The following EML6 variants were observed in gnomAD, a reference collection of about 807,000 sequenced individuals.
EML6 encodes the protein echinoderm microtubule-associated protein-like 6.
A neutral mutation model predicts 240.1 loss-of-function variants in EML6; 154 were observed. The ratio of observed to expected loss-of-function variants is 0.64; its 90% CI spans 0.56 to 0.73. EML6 has a LOEUF of 0.73. EML6 is among the 30% of genes least tolerant of loss of function. The pLI is 0.00. For synonymous variants in EML6, 1,148 were observed against 899.0 expected (o/e 1.28, Z -4.95); for missense variants, 2,964 against 2,474.6 (o/e 1.20, Z -4.20).
chr2:54,802,560 C>G (rs1017635117), intron 2 of EML6, among the ~76,000 whole-genome samples: 5 of 151,674 alleles, frequency 3.3e-5, no homozygotes, highest in African/African-American at 7.3e-5. Context: ...CTGGGAAGGT[C>G]GAGGCTGTCA....
chr2:54,843,798 G>A (rs1474245560), intron 7 of EML6, among the ~76,000 whole-genome samples: 5 of 148,170 alleles, frequency 3.4e-5, no homozygotes, highest in African/African-American at 7.5e-5. Flanking sequence ...AGCTGAGATC[G>A]GGCCACTGCA....
chr2:54,741,694 A>G (rs1433093219), intron 2 of EML6, among the ~76,000 whole-genome samples: 1 of 152,212 alleles, frequency 6.6e-6, no homozygotes, highest in East Asian at 1.9e-4. Context: ...ATAAGGGGAG[A>G]TATTAAAATG....
In EML6 at chr2:54,862,093, T is replaced by C. The variant is rs776975922; in HGVS notation, c.1826-1690T>C. On this transcript the variant is annotated intron_variant, in intron 12 of 41. Transcript: ENST00000356458. ...ACTCATGACTGTAATCCCAGCACTT[T>C]GGGAGGCTAAGGCGGGTGGATCACT... 5.3e-5 allele frequency among the ~76,000 whole-genome samples: 8 copies of C among 152,066 alleles called. No individual in the cohort carries two copies. The South Asian group carries it at 1.7e-3, about 32-fold the overall frequency.
intron 2 of EML6, among the ~76,000 whole-genome samples, chr2:54,805,829 T>C (rs1044083265): frequency 6.6e-6 from 1 of 152,200 alleles, no homozygotes; most frequent in Non-Finnish European, 1.5e-5. Flanking sequence ...TTTTTGCATA[T>C]GGTAAAAGGG....
intron 7 of EML6, among the ~76,000 whole-genome samples, chr2:54,830,797 G>T (rs1353883686): frequency 5.9e-5 from 9 of 152,166 alleles, no homozygotes; most frequent in African/African-American, 1.9e-4. Flanking sequence ...GCTGCTTTAT[G>T]TATCTGTGAA....
At chr2:54,820,534 A>C in intron 5 of EML6, 72 bp downstream of exon 5, 1 of 887,808 alleles carries the variant, frequency 1.1e-6, no homozygotes, top group Non-Finnish European at 1.8e-6. Flanking sequence ...AGATAATTTG[A>C]TGTTGAGAGA....
chr2:54,831,532 C>G (rs1572967559), intron 7 of EML6, among the ~76,000 whole-genome samples: 1 of 152,216 alleles, frequency 6.6e-6, no homozygotes, highest in East Asian at 1.9e-4. Flanking sequence ...ACATCAGTCT[C>G]AGATTCCCGC....
chr2:54,829,427 T>C lies in EML6; in HGVS notation c.797T>C (p.Phe266Ser). ...DGCIRLWDTD[F>S]KPITKIDLRE... ...TGTATACGACTGTGGGACACTGATT[T>C]CAAACCAATAACCAAAATTGATCTC... The change falls in exon 7 of 42, where the codon TTC (phenylalanine) becomes TCC (serine). Residue 266 changes from phenylalanine (F) to serine (S), a missense_variant. Coordinates refer to ENST00000356458, the MANE Select transcript of EML6 (RefSeq NM_001039753.4). 5 of 1,552,030 alleles carry C rather than the reference T, an allele frequency of 3.2e-6. No homozygotes were observed. In the South Asian group the frequency reaches 5.9e-5, roughly 18 times the overall value.
intron 2 of EML6, among the ~76,000 whole-genome samples, chr2:54,739,320 G>A (rs1232652113): frequency 7.2e-5 from 11 of 152,180 alleles, no homozygotes; most frequent in Admixed American, 7.2e-4. Context: ...TGAAAATTCT[G>A]TGTTTTACCA....
chr2:54,773,616 G>T (rs1424153500), intron 2 of EML6, among the ~76,000 whole-genome samples: 1 of 152,190 alleles, frequency 6.6e-6, no homozygotes, highest in African/African-American at 2.4e-5. Flanking sequence ...ACATCACTAG[G>T]CAATTATTTC....
rs200022878 is a variant in EML6, at chr2:54,894,985, C to G, written c.2813C>G (p.Thr938Ser). The G allele has an allele frequency of 4.0e-4, 620 of 1,551,472 alleles. No homozygotes were observed. Among genetic ancestry groups the G allele is most frequent in the Non-Finnish European group, 4.8e-4 (550 of 1,146,740 alleles). ...WDDMFERCLK[T>S]YAIKRSALST... ...GATATGTTTGAAAGATGTTTGAAGA[C>G]TTATGCCATTAAAAGATCAGCATTG... Residue 938 changes from threonine (T) to serine (S), a missense_variant, in exon 20 of 42, where the codon ACT becomes AGT. By Grantham distance (58) the Thr-to-Ser change is moderately conservative (BLOSUM62 1). Transcript: ENST00000356458.
intron 2 of EML6, among the ~76,000 whole-genome samples, chr2:54,751,417 A>C (rs1684158774): frequency 6.6e-6 from 1 of 152,148 alleles, no homozygotes; most frequent in Non-Finnish European, 1.5e-5. Context: ...TACTGAGCAG[A>C]AGGTTCACAA....
Position 54,911,555 on chromosome 2 carries a change from T to G in EML6, c.3498+513T>G, listed in dbSNP as rs545911152. On this transcript the variant is annotated intron_variant, in intron 25 of 41. Transcript: ENST00000356458. ...TGTGATTCTCCCACCACAGCCTCCC[T>G]AATAGCTGGGATCATAGGCATCTGC... Among the ~76,000 whole-genome samples, 124 of 151,908 alleles carry G rather than the reference T, an allele frequency of 8.2e-4. 2 individuals carry two copies. Among genetic ancestry groups the G allele is most frequent in the African/African-American group, 2.9e-3 (119 of 41,472 alleles).
chr2:54,907,891 TTAGATAGATTAGA>T (rs1245581341), intron 24 of EML6, among the ~76,000 whole-genome samples: 16 of 149,240 alleles, frequency 1.1e-4, no homozygotes, highest in South Asian at 2.1e-4. Context: ...ATTAGATAGA[TTAGATAGATTAGA>T]TAGATAGATA....
At chr2:54,842,234 C>T (rs1246012703) in intron 7 of EML6, among the ~76,000 whole-genome samples, 1 of 152,204 alleles carries the variant, frequency 6.6e-6, no homozygotes, top group East Asian at 1.9e-4. Context: ...CTGTTCATCA[C>T]TCTGCCTATT....
At chr2:54,936,635 C>T (rs1675148250) in intron 28 of EML6, among the ~76,000 whole-genome samples, 1 of 152,230 alleles carries the variant, frequency 6.6e-6, no homozygotes, top group Admixed American at 6.5e-5. Flanking sequence ...GCACCTGAGT[C>T]AGCCATCTGT....
rs377604502 is a variant in EML6, at chr2:54,951,917, C to A, written c.4214-677C>A. 1.1e-4 allele frequency among the ~76,000 whole-genome samples: 17 copies of A among 152,284 alleles called. No homozygotes were observed. The South Asian group carries it at 3.5e-3, about 32-fold the overall frequency. On this transcript the variant is annotated intron_variant, in intron 30 of 41. Transcript: ENST00000356458. ...TACACACCTTCCTTGTGTATCTACA[C>A]CATCATTCATCTTTAGGTTCTTGAG...
chr2:54,728,763 A>T (rs1655768178), intron 2 of EML6, among the ~76,000 whole-genome samples: 1 of 152,218 alleles, frequency 6.6e-6, no homozygotes, highest in Non-Finnish European at 1.5e-5. Context: ...CCAGAACAAA[A>T]CAATGATTCA....
At chr2:54,908,694 C>G (rs1363903401) in intron 24 of EML6, among the ~76,000 whole-genome samples, 2 of 152,188 alleles carry the variant, frequency 1.3e-5, no homozygotes, top group Non-Finnish European at 2.9e-5. Flanking sequence ...TTCTCTACTT[C>G]ATCTGCACAT....
Sources: allele counts gnomAD v4.1 joint callset (sites outside exome capture counted in the v4.1 genomes callset), GRCh38; gene constraint gnomAD v4.1.1; transcripts MANE v1.5; gene names NCBI Gene and HGNC (gene_info 2026-07-23, HGNC 2026-07-21).